Variants in ENAH observed in about 807,000 individuals in gnomAD.
ENAH encodes protein enabled homolog.
Under a neutral mutation model 78.7 loss-of-function variants are expected in ENAH, and 23 were observed. The observed-to-expected ratio is 0.29, with a 90% CI of 0.21 to 0.41. The LOEUF (loss-of-function observed/expected upper bound fraction) is 0.41, where lower values mean the gene tolerates loss of function less well. Ranked by LOEUF, ENAH falls within the 10% of genes least tolerant of loss-of-function variation. The pLI is 1.00. For synonymous variants in ENAH, 226 were observed against 241.0 expected (o/e 0.94, Z 0.58); for missense variants, 544 against 691.0 (o/e 0.79, Z 2.39).
chr1:225,651,896 TA>T (rs938727361), intron 1 of ENAH, among the ~76,000 whole-genome samples: 3 of 152,276 alleles, frequency 2.0e-5, no homozygotes, highest in Admixed American at 6.5e-5. Flanking sequence ...TCGTATCAAT[TA>T]AAAAAATATT....
At chr1:225,526,393 C>CA in intron 4 of ENAH, among the ~76,000 whole-genome samples, 1 of 150,168 alleles carries the variant, frequency 6.7e-6, no homozygotes, top group Admixed American at 6.6e-5. Context: ...GGCTGGGGTG[C>CA]AATGGCACGA....
chr1:225,573,989 A>G (rs2151559548), intron 1 of ENAH, among the ~76,000 whole-genome samples: 2 of 152,216 alleles, frequency 1.3e-5, no homozygotes, highest in Middle Eastern at 3.4e-3. Flanking sequence ...TCTTAAGAGA[A>G]TATATCCTAA....
chr1:225,547,438 TG>T (rs1209430828), intron 3 of ENAH, among the ~76,000 whole-genome samples: 1 of 152,148 alleles, frequency 6.6e-6, no homozygotes, highest in African/African-American at 2.4e-5. Context: ...GTTACCTAAG[TG>T]AAGTACAATC....
intron 1 of ENAH, among the ~76,000 whole-genome samples, chr1:225,586,845 G>A (rs1194380548): frequency 2.1e-5 from 3 of 145,020 alleles, no homozygotes; most frequent in African/African-American, 7.6e-5. Flanking sequence ...CCAACATGGT[G>A]AAACCCTGTC....
intron 10 of ENAH, chr1:225,508,488 G>C (rs1271009435): frequency 6.6e-6 from 1 of 152,206 alleles, no homozygotes. Context: ...AATCCAAATA[G>C]TCCCTCTTGG....
intron 3 of ENAH, among the ~76,000 whole-genome samples, chr1:225,534,770 A>G (rs1444928535): frequency 6.6e-6 from 1 of 152,184 alleles, no homozygotes; most frequent in Non-Finnish European, 1.5e-5. Context: ...TCAGAAACAA[A>G]TGGAAATAAA....
At chr1:225,641,997 G>T (rs1277863299) in intron 1 of ENAH, among the ~76,000 whole-genome samples, 1 of 151,278 alleles carries the variant, frequency 6.6e-6, no homozygotes, top group African/African-American at 2.4e-5. Flanking sequence ...CTCCGGCCTG[G>T]GGGACACAGC....
At chr1:225,605,112 T>C (rs12038373) in intron 1 of ENAH, among the ~76,000 whole-genome samples, 12,931 of 152,250 alleles carry the variant, frequency 0.085, 643 homozygotes, top group Admixed American at 0.14. Flanking sequence ...TACATGATGA[T>C]TGGAAATTCT....
intron 2 of ENAH, among the ~76,000 whole-genome samples, chr1:225,565,542 T>TA (rs2096730434): frequency 6.6e-6 from 1 of 152,246 alleles, no homozygotes. Context: ...ACCAATTCAC[T>TA]AAATTTACCA....
At position 225,501,007 on chromosome 1, in the gene ENAH, A is replaced by G. The variant is rs766858248; in HGVS notation, c.1602T>C (p.Tyr534=). Residue 534 remains tyrosine, a synonymous_variant, in exon 12 of 14, where the codon TAT becomes TAC. Coordinates refer to ENST00000366843, the MANE Select transcript of ENAH (RefSeq NM_018212.6). Reference sequence around the variant, plus strand: ...GAGCACCCACCTGCTTCAGCCTGTCATAGTCAAGTCCTTCCGTCTGGACTC... The same window carrying G: ...GAGCACCCACCTGCTTCAGCCTGTCGTAGTCAAGTCCTTCCGTCTGGACTC... ...ANGVQTEGLD[Y]DRLKQDILDE... is the part of the protein sequence containing the mutation. The G allele has an allele frequency of 6.8e-6, 11 of 1,614,082 alleles. No individual in the cohort carries two copies. Among genetic ancestry groups the G allele is most frequent in the Middle Eastern group, 1.6e-4 (1 of 6,084 alleles).
chr1:225,564,858 C>CT lies in ENAH; in HGVS notation c.171+2390dup, dbSNP rs1233422630. ...TTAAGCTCATTATTTTTTAGTTTCC[C>CT]TTTTTTTCCTACTACATACAATTAA... On this transcript the variant is annotated intron_variant, in intron 2 of 13. Transcript: ENST00000366843. 1.2e-4 allele frequency among the ~76,000 whole-genome samples: 18 copies of CT among 151,640 alleles called. No homozygotes were observed. The East Asian group carries it at 3.3e-3, about 28-fold the overall frequency.
intron 1 of ENAH, among the ~76,000 whole-genome samples, chr1:225,635,413 G>T (rs1357517145): frequency 1.3e-5 from 2 of 152,104 alleles, no homozygotes; most frequent in Admixed American, 1.3e-4. Context: ...TTTGTGTGAC[G>T]ATCTTGTACC....
At chr1:225,545,760 C>G (rs1371356892) in intron 3 of ENAH, among the ~76,000 whole-genome samples, 1 of 152,046 alleles carries the variant, frequency 6.6e-6, no homozygotes, top group Non-Finnish European at 1.5e-5. Context: ...TGCCATGGAC[C>G]ACACTTTTTG....
Position 225,517,196 on chromosome 1 carries a change from C to A in ENAH, c.913G>T (p.Gly305Cys). The A allele has an allele frequency of 6.5e-7, 1 of 1,527,442 alleles. No individual in the cohort carries two copies. Among genetic ancestry groups the A allele is most frequent in the South Asian group, 1.3e-5 (1 of 79,990 alleles). The allele number at this position is 1,527,442 out of a possible 1,614,324, so 94.6% of individuals were successfully genotyped here. ...TTAGTAGCAATAATGAAAGCCTTAC[C>A]CTGTTGGGATGGAGTCTCGGCCGGC... ...SQPAETPSQQ[G>C]IVLGPLAPPP... Residue 305 changes from glycine to cysteine, a missense_variant and splice_region_variant, in exon 6 of 14, where the codon GGC becomes TGC. Coordinates refer to ENST00000366843, the MANE Select transcript of ENAH (RefSeq NM_018212.6).
At chr1:225,596,620 T>G (rs1263304965) in intron 1 of ENAH, among the ~76,000 whole-genome samples, 1 of 152,214 alleles carries the variant, frequency 6.6e-6, no homozygotes, top group South Asian at 2.1e-4. Context: ...AGACTAGAAA[T>G]ATTCTTCTCC....
rs1313099938 is a variant in ENAH, at chr1:225,519,265, C to T, written c.735G>A (p.Arg245=). The T allele has an allele frequency of 1.2e-6, 2 of 1,614,086 alleles. No homozygotes were observed. Among genetic ancestry groups the T allele is most frequent in the Non-Finnish European group, 1.7e-6 (2 of 1,180,054 alleles). Reference sequence around the variant, plus strand: ...CCCTTTCTAACTGCTCTTGTCGCTCCCTTTCTTGCCTCTCCCGTTCCAGTC... The same window carrying T: ...CCCTTTCTAACTGCTCTTGTCGCTCTCTTTCTTGCCTCTCCCGTTCCAGTC... ...LERLERERQE[R]ERQEQLEREQ... Residue 245 remains arginine, a synonymous_variant, in exon 5 of 14, where the codon AGG becomes AGA. Coordinates refer to ENST00000366843, the MANE Select transcript of ENAH (RefSeq NM_018212.6).
At chr1:225,593,733 G>A (rs912236243) in intron 1 of ENAH, among the ~76,000 whole-genome samples, 2 of 152,078 alleles carry the variant, frequency 1.3e-5, no homozygotes, top group Non-Finnish European at 2.9e-5. Flanking sequence ...TTTATCATTC[G>A]TCTTCAGCTA....
Position 225,493,553 on chromosome 1 carries a change from T to C in ENAH, c.*4222A>G, listed in dbSNP as rs894097793. 4.6e-5 allele frequency: 7 copies of C among 152,202 alleles called. No individual in the cohort carries two copies. The highest frequency in any genetic ancestry group is 1.7e-4 in the African/African-American group (7 of 41,446). 9.4% of individuals were successfully genotyped at this position (152,202 alleles called of 1,614,324 possible). On this transcript the variant is annotated 3_prime_UTR_variant, in exon 14 of 14. Coordinates refer to ENST00000366843, the MANE Select transcript of ENAH (RefSeq NM_018212.6). ...ATCCTTTTCTCATTCCTTAGAGCTT[T>C]GGAGAGATGTACAGATATGAACTCA...
intron 5 of ENAH, chr1:225,517,864 T>C (rs1185699944): frequency 6.4e-7 from 1 of 1,551,422 alleles, no homozygotes; most frequent in East Asian, 2.4e-5. Context: ...TACAGCATAA[T>C]CAGGAGTGGC....
Sources: gnomAD v4.1 joint callset for allele counts (sites outside exome capture counted in the v4.1 genomes callset) on GRCh38, gnomAD v4.1.1 for gene constraint, MANE v1.5 for transcripts, NCBI Gene and HGNC (gene_info 2026-07-23, HGNC 2026-07-21) for gene names.